Variants in C12orf56 observed in about 807,000 individuals in gnomAD.
C12orf56 encodes the protein chromosome 12 open reading frame 56.
A neutral mutation model predicts 69.9 loss-of-function variants in C12orf56; 71 were observed. That is an observed-to-expected ratio of 1.02 (90% CI 0.84 to 1.24). The LOEUF is 1.24. Among genes scored for constraint, C12orf56 ranks in the 50% most tolerant of loss-of-function variants. C12orf56 has a pLI of 0.00. For missense variants in C12orf56, 732 were observed against 738.5 expected (o/e 0.99, Z 0.10); for synonymous variants, 276 against 274.1 (o/e 1.01, Z -0.07).
chr12:64,358,486 ATCATCATC>A (rs1565773489), intron 1 of C12orf56, among the ~76,000 whole-genome samples: 1,523 of 145,438 alleles, frequency 0.01, 35 homozygotes, highest in African/African-American at 0.033. Flanking sequence ...AATAATAATC[ATCATCATC>A]ATCATCATCA....
At chr12:64,323,384 G>T (rs1176596590) in intron 3 of C12orf56, among the ~76,000 whole-genome samples, 1 of 152,156 alleles carries the variant, frequency 6.6e-6, no homozygotes, top group Non-Finnish European at 1.5e-5. Flanking sequence ...AGAGATCTCT[G>T]TCTGTATCTA....
intron 5 of C12orf56, among the ~76,000 whole-genome samples, chr12:64,311,412 CAA>C (rs533651112): frequency 3.0e-5 from 3 of 101,280 alleles, no homozygotes; most frequent in Admixed American, 1.1e-4. Context: ...GACTTTGTCT[CAA>C]AAAAAAAAAA....
chr12:64,273,686 G>T (rs1440780588), intron 11 of C12orf56, among the ~76,000 whole-genome samples: 1 of 152,184 alleles, frequency 6.6e-6, no homozygotes, highest in African/African-American at 2.4e-5. Flanking sequence ...GGGTCTGCAG[G>T]GCTCTGCTCA....
intron 9 of C12orf56, among the ~76,000 whole-genome samples, chr12:64,277,257 A>G (rs11175308): frequency 0.27 from 41,691 of 151,908 alleles, 6,456 homozygotes; most frequent in East Asian, 0.5. Context: ...TGTTCATATA[A>G]GTAGGAAAAT....
At chr12:64,303,007 T>C (rs985324487) in intron 6 of C12orf56, among the ~76,000 whole-genome samples, 15 of 152,016 alleles carry the variant, frequency 9.9e-5, no homozygotes, top group African/African-American at 2.9e-4. Context: ...GCGCGGTGGT[T>C]CACACCTGTA....
chr12:64,328,790 G>A (rs1325831316), intron 3 of C12orf56, among the ~76,000 whole-genome samples: 2 of 143,632 alleles, frequency 1.4e-5, no homozygotes, highest in Non-Finnish European at 3.0e-5. Context: ...TTTTGTCCAG[G>A]TGCAGTGGCT....
chr12:64,342,692 G>A (rs556889561), intron 2 of C12orf56, among the ~76,000 whole-genome samples: 8 of 152,358 alleles, frequency 5.3e-5, no homozygotes, highest in Admixed American at 4.6e-4. Context: ...ATGATAGGCA[G>A]TTCAGGTCAC....
chr12:64,385,041 G>A (rs1346063017), intron 1 of C12orf56, among the ~76,000 whole-genome samples: 2 of 147,860 alleles, frequency 1.4e-5, no homozygotes, highest in Non-Finnish European at 3.0e-5. Flanking sequence ...GCAACAGAGC[G>A]AGACTCCTGC....
intron 5 of C12orf56, among the ~76,000 whole-genome samples, chr12:64,307,698 T>G (rs1480984096): frequency 6.6e-6 from 1 of 152,118 alleles, no homozygotes; most frequent in Non-Finnish European, 1.5e-5. Context: ...ATTGTTCTAC[T>G]GACTTAAAAA....
chr12:64,287,261 A>AAAGAAG (rs1170967895), intron 6 of C12orf56, among the ~76,000 whole-genome samples: 63 of 67,562 alleles, frequency 9.3e-4, no homozygotes, highest in Non-Finnish European at 1.2e-3. Flanking sequence ...AAAAAAAAAA[A>AAAGAAG]AAGAAGAAGA....
At chr12:64,346,597 A>G (rs2039145925) in intron 2 of C12orf56, among the ~76,000 whole-genome samples, 1 of 152,156 alleles carries the variant, frequency 6.6e-6, no homozygotes, top group Non-Finnish European at 1.5e-5. Context: ...GTCACTGGTG[A>G]TCATCTCAAT....
At chr12:64,277,147 G>C (rs1478889373) in intron 9 of C12orf56, among the ~76,000 whole-genome samples, 1 of 151,818 alleles carries the variant, frequency 6.6e-6, no homozygotes, top group Non-Finnish European at 1.5e-5. Context: ...ATAATAAGTT[G>C]GTTTATTCTC....
intron 4 of C12orf56, among the ~76,000 whole-genome samples, chr12:64,316,293 C>T (rs1331734219): frequency 6.6e-6 from 1 of 151,898 alleles, no homozygotes; most frequent in Non-Finnish European, 1.5e-5. Flanking sequence ...GGATTTCACC[C>T]ATCTCTGTTG....
intron 1 of C12orf56, among the ~76,000 whole-genome samples, chr12:64,382,973 A>C (rs568843255): frequency 6.6e-6 from 1 of 152,092 alleles, no homozygotes; most frequent in South Asian, 2.1e-4. Flanking sequence ...ATTCCTGGGC[A>C]TCCATGAAAC....
intron 2 of C12orf56, among the ~76,000 whole-genome samples, chr12:64,335,178 A>G (rs1472592709): frequency 6.6e-6 from 1 of 152,134 alleles, no homozygotes; most frequent in Non-Finnish European, 1.5e-5. Context: ...GCACTTTGGG[A>G]GGCCGAGGTG....
chr12:64,327,423 C>A (rs1304692823), intron 3 of C12orf56, among the ~76,000 whole-genome samples: 3 of 152,146 alleles, frequency 2.0e-5, no homozygotes. Flanking sequence ...ACCTATGTAA[C>A]AAATCTGCAC....
At chr12:64,362,669 G>T (rs562880250) in intron 1 of C12orf56, among the ~76,000 whole-genome samples, 139 of 152,200 alleles carry the variant, frequency 9.1e-4, no homozygotes, top group African/African-American at 3.1e-3. Flanking sequence ...TCCAGCCTGG[G>T]TGACAGAACA....
At chr12:64,372,740 C>A (rs1170672613) in intron 1 of C12orf56, among the ~76,000 whole-genome samples, 1 of 152,140 alleles carries the variant, frequency 6.6e-6, no homozygotes, top group African/African-American at 2.4e-5. Context: ...GTCTCAAACT[C>A]CTGACCTCAG....
chr12:64,344,127 A>G (rs12302511), intron 2 of C12orf56, among the ~76,000 whole-genome samples: 66,415 of 151,996 alleles, frequency 0.44, 14,869 homozygotes, highest in Admixed American at 0.56. Flanking sequence ...TCCCCTAAAC[A>G]TCTGATCATT....
Sources: gnomAD v4.1 joint callset for allele counts (sites outside exome capture counted in the v4.1 genomes callset) on GRCh38, gnomAD v4.1.1 for gene constraint, MANE v1.5 for transcripts, NCBI Gene and HGNC (gene_info 2026-07-23, HGNC 2026-07-21) for gene names.